Variants in LAMB4 observed in about 807,000 individuals in gnomAD.
LAMB4 encodes the protein laminin subunit beta 4, also known as laminin subunit beta-4.
Under a neutral mutation model 199.2 loss-of-function variants are expected in LAMB4, and 196 were observed. That is an observed-to-expected ratio of 0.98 (90% CI 0.88 to 1.11). The LOEUF (loss-of-function observed/expected upper bound fraction) is 1.11, where lower values mean the gene tolerates loss of function less well. Ranked by LOEUF, LAMB4 falls within the 50% of genes least tolerant of loss-of-function variation. The pLI, the probability that LAMB4 is intolerant of heterozygous loss-of-function variation, is 0.00. For missense variants in LAMB4, 2,080 were observed against 2,171.2 expected (o/e 0.96, Z 0.83); for synonymous variants, 744 against 770.6 (o/e 0.97, Z 0.57).
chr7:108,107,415 T>C (rs1230239335), intron 6 of LAMB4, among the ~76,000 whole-genome samples: 2 of 152,222 alleles, frequency 1.3e-5, no homozygotes, highest in East Asian at 3.8e-4. Flanking sequence ...TGTTATCCCA[T>C]GCCCACCTTC....
At chr7:108,030,661 C>T in intron 32 of LAMB4, 145 bp downstream of exon 32, 1 of 738,712 alleles carries the variant, frequency 1.4e-6, no homozygotes, top group Non-Finnish European at 2.2e-6. Flanking sequence ...CTTTGTGCAT[C>T]AGGATCCCCT....
At chr7:108,033,119 G>A (rs2035099188) in intron 31 of LAMB4, among the ~76,000 whole-genome samples, 1 of 152,136 alleles carries the variant, frequency 6.6e-6, no homozygotes, top group African/African-American at 2.4e-5. Flanking sequence ...GCATATGTGG[G>A]AGTTTGCCTA....
At chr7:108,118,461 C>A (rs2038485767) in intron 2 of LAMB4, among the ~76,000 whole-genome samples, 2 of 151,754 alleles carry the variant, frequency 1.3e-5, no homozygotes, top group South Asian at 2.1e-4. Flanking sequence ...AATAGAGAAC[C>A]CAGAAATAGA....
chr7:108,039,469 T>TG (rs1376955746), intron 29 of LAMB4, among the ~76,000 whole-genome samples: 10 of 136,434 alleles, frequency 7.3e-5, no homozygotes, highest in Non-Finnish European at 1.1e-4. Context: ...GTACTTTCTT[T>TG]CTTTTTTTTT....
At chr7:108,032,930 T>A (rs1477083130) in intron 31 of LAMB4, among the ~76,000 whole-genome samples, 1 of 152,190 alleles carries the variant, frequency 6.6e-6, no homozygotes, top group Non-Finnish European at 1.5e-5. Context: ...TCTAAATTCA[T>A]GCTTTCCTGT....
rs149830635 is a variant in LAMB4, at chr7:108,122,039, G to A, written c.34+1092C>T. 4.9e-3 allele frequency among the ~76,000 whole-genome samples: 745 copies of A among 152,286 alleles called. 9 individuals are homozygous for A. Among genetic ancestry groups the A allele is most frequent in the African/African-American group, 0.017 (706 of 41,554 alleles). On this transcript the variant is annotated intron_variant, in intron 2 of 33. Transcript: ENST00000388781. ...GGCAAGCTTATATTTAGAAATGTAC[G>A]ATTGATTGCAGTGAGGTCTTTTCTG...
chr7:108,082,957 C>T (rs750502354), intron 14 of LAMB4, among the ~76,000 whole-genome samples: 1 of 152,208 alleles, frequency 6.6e-6, no homozygotes, highest in Non-Finnish European at 1.5e-5. Context: ...GTGGTATAGT[C>T]CCACTTGCAG....
chr7:108,104,380 G>C, intron 9 of LAMB4, 119 bp downstream of exon 9: 2 of 1,172,012 alleles, frequency 1.7e-6, no homozygotes, highest in Non-Finnish European at 2.4e-6. Context: ...CACTATAGGA[G>C]CTGGGAGGAC....
chr7:108,071,225 T>TA (rs1563065822), intron 17 of LAMB4, among the ~76,000 whole-genome samples: 2 of 152,068 alleles, frequency 1.3e-5, no homozygotes, highest in Non-Finnish European at 1.5e-5. Context: ...GCAAATTTCT[T>TA]AAAAAAATCA....
intron 9 of LAMB4, 108 bp from the exon 10 acceptor site, chr7:108,103,340 T>C: frequency 1.1e-6 from 1 of 888,432 alleles, no homozygotes. Flanking sequence ...CCTCCTGCCA[T>C]TTCGTGTTCT....
In LAMB4 at chr7:108,104,612, C is replaced by T. The variant is rs1299917284; in HGVS notation, c.878G>A (p.Gly293Asp). 6.2e-7 allele frequency: 1 copy of T among 1,614,054 alleles called. No individual in the cohort carries two copies. Among genetic ancestry groups the T allele is most frequent in the South Asian group, 1.1e-5 (1 of 91,052 alleles). The stretch of plus-strand genomic sequence containing the variant: ...TGTATTGTGCTGACACACACACTGA[C>T]CGTGAACCTGCATTGTGCAATAAAT... ...DVFSPPGMVH[G>D]QCVCQHNTDG... The change falls in exon 9 of 34, where the codon GGT (glycine) becomes GAT (aspartate). Residue 293 changes from glycine (G) to aspartate (D), a missense_variant. Physicochemically the swap from Gly to Asp is moderately conservative, Grantham distance 94. Transcript: ENST00000388781.
intron 25 of LAMB4, among the ~76,000 whole-genome samples, chr7:108,053,879 T>C (rs1280739070): frequency 1.3e-5 from 2 of 152,170 alleles, no homozygotes; most frequent in East Asian, 3.8e-4. Context: ...GGCTATACAG[T>C]AGGGCTTCTT....
chr7:108,088,390 C>A lies in LAMB4; in HGVS notation c.1701+3236G>T, dbSNP rs553751052. Among the ~76,000 whole-genome samples, 6 of 152,308 alleles carry A rather than the reference C, an allele frequency of 3.9e-5. No homozygotes were observed. The South Asian group carries it at 1.2e-3, about 32-fold the overall frequency. On this transcript the variant is annotated intron_variant, in intron 14 of 33. Transcript: ENST00000388781. ...GGTTGGCCAGGCTAGTCTCAAACTCCTGACCTCAGGTGACCTGCTCGCCTC... is the reference window on the plus strand; with the variant it reads ...GGTTGGCCAGGCTAGTCTCAAACTCATGACCTCAGGTGACCTGCTCGCCTC...
chr7:108,104,102 T>C (rs1285691345), intron 9 of LAMB4, among the ~76,000 whole-genome samples: 2 of 152,152 alleles, frequency 1.3e-5, no homozygotes, highest in African/African-American at 4.8e-5. Context: ...CCTATTATCC[T>C]ACAGATGGGT....
chr7:108,057,832 G>T lies in LAMB4; in HGVS notation c.3379C>A (p.Pro1127Thr). 1 of 1,600,782 alleles carries T rather than the reference G, an allele frequency of 6.2e-7. No homozygotes were observed. The highest frequency in any genetic ancestry group is 8.6e-7 in the Non-Finnish European group (1 of 1,167,998). ...AGTTTTTAGAAATCCCAATACTTACGAATGCATCGCCCAGGTGGATCACCA... is the reference window on the plus strand; with the variant it reads ...AGTTTTTAGAAATCCCAATACTTACTAATGCATCGCCCAGGTGGATCACCA... ...YYGDPPGRCIPCDCNRAGTQK... is the reference protein window; with the variant it reads ...YYGDPPGRCITCDCNRAGTQK... Residue 1127 changes from proline (P) to threonine (T), a missense_variant and splice_region_variant, in exon 24 of 34, where the codon CCA (proline) becomes ACA (threonine). Transcript: ENST00000388781.
intron 26 of LAMB4, 89 bp downstream of exon 26, chr7:108,052,008 G>A (rs754241735): frequency 1.1e-5 from 11 of 1,008,998 alleles, no homozygotes; most frequent in Non-Finnish European, 1.6e-5. Context: ...GCACTATGGT[G>A]GTAAGCAGGG....
chr7:108,016,980 T>C, the LAMB4 span, among the ~76,000 whole-genome samples: 2 of 152,226 alleles, frequency 1.3e-5, no homozygotes, highest in African/African-American at 2.4e-5. Flanking sequence ...GTGTTTGCCA[T>C]CAAAGTGAAC....
intron 1 of LAMB4, among the ~76,000 whole-genome samples, chr7:108,125,499 T>C (rs1265619931): frequency 6.6e-6 from 1 of 152,230 alleles, no homozygotes; most frequent in African/African-American, 2.4e-5. Flanking sequence ...GATGACAATC[T>C]CTGTGAATAG....
chr7:108,050,733 A>G (rs2035801548), intron 26 of LAMB4, among the ~76,000 whole-genome samples: 2 of 152,168 alleles, frequency 1.3e-5, no homozygotes, highest in South Asian at 2.1e-4. Flanking sequence ...CTTATCATGA[A>G]AAAAGTGTTC....
Sources: gnomAD v4.1 joint callset for allele counts (sites outside exome capture counted in the v4.1 genomes callset) on GRCh38, gnomAD v4.1.1 for gene constraint, MANE v1.5 for transcripts, NCBI Gene and HGNC (gene_info 2026-07-23, HGNC 2026-07-21) for gene names.